BCAS3: variants seen among roughly 807,000 people sequenced by gnomAD.
BCAS3 encodes BCAS3 microtubule associated cell migration factor.
In BCAS3, 53 loss-of-function variants were observed where a neutral mutation model predicts 116.1. The observed-to-expected ratio is 0.46, with a 90% CI of 0.37 to 0.57. The LOEUF is 0.57. Among genes scored for constraint, BCAS3 ranks in the 20% least tolerant of loss-of-function variants. The pLI is 0.00. For synonymous variants in BCAS3, 391 were observed against 408.2 expected (o/e 0.96, Z 0.51); for missense variants, 917 against 1,165.4 (o/e 0.79, Z 3.10).
At chr17:61,160,133 A>C (rs1163972622) in intron 22 of BCAS3, among the ~76,000 whole-genome samples, 1 of 151,798 alleles carries the variant, frequency 6.6e-6, no homozygotes, top group African/African-American at 2.4e-5. Flanking sequence ...ATTAACTACA[A>C]GGAAATGCCA....
At chr17:61,345,115 A>G (rs535494731) in intron 22 of BCAS3, among the ~76,000 whole-genome samples, 1 of 152,300 alleles carries the variant, frequency 6.6e-6, no homozygotes, top group Admixed American at 6.5e-5. Flanking sequence ...TCTCTGATGA[A>G]GAAAAGAAGT....
intron 5 of BCAS3, among the ~76,000 whole-genome samples, chr17:60,719,229 G>T (rs994924790): frequency 9.2e-5 from 14 of 152,260 alleles, no homozygotes; most frequent in African/African-American, 3.4e-4. Flanking sequence ...GACTGTTGCT[G>T]GTCCATAAAC....
intron 5 of BCAS3, among the ~76,000 whole-genome samples, chr17:60,736,736 G>C (rs2041007504): frequency 6.6e-6 from 1 of 152,090 alleles, no homozygotes; most frequent in Non-Finnish European, 1.5e-5. Flanking sequence ...TTATTGTTGT[G>C]TGAGTTTTGG....
chr17:61,232,200 G>GAAA (rs71148394), intron 22 of BCAS3, among the ~76,000 whole-genome samples: 22 of 72,444 alleles, frequency 3.0e-4, no homozygotes, highest in East Asian at 4.6e-4. Flanking sequence ...GAAAGACTCC[G>GAAA]AAAAAAAAAA....
chr17:61,269,410 C>T (rs750942738), intron 22 of BCAS3, among the ~76,000 whole-genome samples: 6 of 151,918 alleles, frequency 3.9e-5, no homozygotes, highest in Non-Finnish European at 7.4e-5. Context: ...CCACCGCGCC[C>T]GGCCATTATA....
rs141332746 is a variant in BCAS3 at position 61,329,713 on chromosome 17, G to A, written c.2426-38614G>A. Among the ~76,000 whole-genome samples, 32 of 152,250 alleles carry A rather than the reference G, an allele frequency of 2.1e-4. No homozygotes were observed. In the East Asian group the frequency reaches 6.2e-3, roughly 29 times the overall value. ...AGAACAGAAGTGAGAGGGCAGGAAT[G>A]GTGACTGACTATGGAATAGCTCCGG... On this transcript the variant is annotated intron_variant, in intron 22 of 23. Coordinates refer to ENST00000407086, the MANE Select transcript of BCAS3 (RefSeq NM_017679.5).
chr17:60,937,479 G>A (rs1235970085), intron 13 of BCAS3, among the ~76,000 whole-genome samples: 1 of 152,020 alleles, frequency 6.6e-6, no homozygotes, highest in African/African-American at 2.4e-5. Context: ...AATATAAGTT[G>A]CACCAATTTT....
At chr17:61,053,666 C>A (rs1458252066) in intron 19 of BCAS3, among the ~76,000 whole-genome samples, 1 of 152,100 alleles carries the variant, frequency 6.6e-6, no homozygotes, top group Admixed American at 6.6e-5. Flanking sequence ...CTTGCATTGT[C>A]CATAATAAAT....
intron 22 of BCAS3, among the ~76,000 whole-genome samples, chr17:61,267,676 C>G (rs535714794): frequency 6.8e-6 from 1 of 147,574 alleles, no homozygotes; most frequent in African/African-American, 2.5e-5. Context: ...GAGCCAAGAT[C>G]GTGCCACTGC....
intron 6 of BCAS3, among the ~76,000 whole-genome samples, chr17:60,777,433 T>A (rs1437550961): frequency 6.6e-6 from 1 of 152,088 alleles, no homozygotes; most frequent in Admixed American, 6.6e-5. Context: ...GAGACCAGCC[T>A]GGCCAACATG....
At chr17:61,137,861 T>G (rs888651951) in intron 22 of BCAS3, among the ~76,000 whole-genome samples, 3 of 152,028 alleles carry the variant, frequency 2.0e-5, no homozygotes, top group Non-Finnish European at 4.4e-5. Flanking sequence ...TTTGTGGGAG[T>G]TGTTGTTTTG....
intron 14 of BCAS3, among the ~76,000 whole-genome samples, chr17:60,965,620 G>A (rs1265105772): frequency 1.3e-5 from 2 of 152,078 alleles, no homozygotes; most frequent in Admixed American, 6.6e-5. Context: ...TCACTCAGGA[G>A]CATGTTTTTT....
At chr17:60,873,099 T>C (rs1213590483) in intron 8 of BCAS3, among the ~76,000 whole-genome samples, 1 of 152,162 alleles carries the variant, frequency 6.6e-6, no homozygotes, top group Non-Finnish European at 1.5e-5. Flanking sequence ...GAATTTACAA[T>C]TGAGTAATTC....
At chr17:60,682,969 G>A (rs185169202) in intron 2 of BCAS3, among the ~76,000 whole-genome samples, 88 of 151,966 alleles carry the variant, frequency 5.8e-4, no homozygotes, top group African/African-American at 2.1e-3. Context: ...TAGAGATGGG[G>A]TCTTGCTATG....
rs2054132546 is a variant in BCAS3 at position 61,309,546 on chromosome 17, A to G, written c.2426-58781A>G. On this transcript the variant is annotated intron_variant, in intron 22 of 23. Transcript: ENST00000407086. The surrounding 1 kb of genome is among the most constrained non-coding windows in gnomAD (Gnocchi z 4.6). ...CACTTGCCCTCTACTTCCCAGCTTC[A>G]CCATAGCTGGGAAGAATATTTTGAT... 6.6e-6 allele frequency among the ~76,000 whole-genome samples: 1 copy of G among 152,090 alleles called. No homozygotes were observed. The highest frequency in any genetic ancestry group is 1.5e-5 in the Non-Finnish European group (1 of 68,016).
intron 5 of BCAS3, among the ~76,000 whole-genome samples, chr17:60,715,124 T>C (rs901649195): frequency 1.3e-5 from 2 of 149,692 alleles, no homozygotes; most frequent in African/African-American, 2.5e-5. Flanking sequence ...TCTGTACTCT[T>C]TCTCTTTCTT....
At chr17:61,086,807 G>A in intron 22 of BCAS3, 1 of 985,368 alleles carries the variant, frequency 1.0e-6, no homozygotes, top group South Asian at 4.7e-5. Flanking sequence ...TCATAGATAA[G>A]GAATTGGACT....
chr17:60,936,602 A>T (rs2059941871), intron 13 of BCAS3, among the ~76,000 whole-genome samples: 2 of 152,164 alleles, frequency 1.3e-5, no homozygotes, highest in Non-Finnish European at 2.9e-5. Context: ...CATTTCTCTG[A>T]TGGCCAGTGA....
rs1427059320 is a variant in BCAS3 at position 61,333,660 on chromosome 17, G to A, written c.2426-34667G>A. Among the ~76,000 whole-genome samples the A allele has an allele frequency of 2.7e-5, 4 of 145,856 alleles. No individual in the cohort carries two copies. The highest frequency in any genetic ancestry group is 7.0e-5 in the Admixed American group (1 of 14,258). The stretch of plus-strand genomic sequence containing the variant: ...TTTTGAGACAGAGTCTCGCTCTGTC[G>A]CCTAGGCTGGAGTGCAGTGGTGCGA... On this transcript the variant is annotated intron_variant, in intron 22 of 23. Coordinates refer to ENST00000407086, the MANE Select transcript of BCAS3 (RefSeq NM_017679.5). This position sits in a 1 kb window ranked among gnomAD's most constrained non-coding sequence, Gnocchi z 4.8.
Sources: gnomAD v4.1 joint callset for allele counts (sites outside exome capture counted in the v4.1 genomes callset) on GRCh38, gnomAD v4.1.1 for gene constraint, Gnocchi (gnomAD v3.1) non-coding constraint, MANE v1.5 for transcripts, NCBI Gene and HGNC (gene_info 2026-07-23, HGNC 2026-07-21) for gene names.